GP6: variants seen among roughly 807,000 people sequenced by gnomAD.
GP6 encodes the protein platelet glycoprotein VI.
A neutral mutation model predicts 37.3 loss-of-function variants in GP6; 45 were observed. The observed-to-expected ratio is 1.21, with a 90% CI of 0.95 to 1.55. The LOEUF (loss-of-function observed/expected upper bound fraction) is 1.55. Among genes scored for constraint, GP6 ranks in the 40% most tolerant of loss-of-function variants. GP6 has a pLI of 0.00. For missense variants in GP6, 813 were observed against 760.2 expected, an observed-to-expected ratio of 1.07 and a Z score of -0.82; for synonymous variants, 340 against 316.4, an observed-to-expected ratio of 1.07 and a Z score of -0.79.
At chr19:55,032,936 TGGGCTCGTTCGTGTTAGAC>T (rs2074635987) in intron 1 of GP6, 3 of 186,740 alleles carry the variant, frequency 1.6e-5, no homozygotes, top group African/African-American at 1.0e-4. Context: ...TTAGACACGG[TGGGCTCGTTCGTGTTAGAC>T]ACGGTGGACT....
intron 1 of GP6, chr19:55,033,011 G>A (rs552534624): frequency 4.8e-6 from 1 of 207,858 alleles, no homozygotes; most frequent in African/African-American, 2.6e-5. Context: ...TGTTAGACGC[G>A]GTGGACTCGT....
In GP6 at chr19:55,014,750, G is replaced by GACAA. The variant is rs747748721; in HGVS notation, c.1194_1195insTTGT (p.Pro404SerfsTer61). 1 of 1,613,834 alleles carries GACAA rather than the reference G, an allele frequency of 6.2e-7. No homozygotes were observed. The highest frequency in any genetic ancestry group is 2.2e-5 in the East Asian group (1 of 44,870). On this transcript the variant is annotated frameshift_variant, in exon 8 of 8. Coordinates refer to ENST00000310373, the MANE Select transcript of GP6 (RefSeq NM_001083899.2). LOFTEE classifies it low-confidence loss of function (END_TRUNC). ...AGACAGAGAGGCAGACAGACAGACA[G>GACAA]ACACTGGCCGAACGGCTCCCTGATG...
chr19:55,027,827 C>T lies in GP6; in HGVS notation c.361G>A (p.Gly121Ser), dbSNP rs372032713. ...TCCCCTCCTGACGACACCGCCGGGCCGGGCTGGGCTGAGAGCGAGGGTTTG... is the reference window on the plus strand; with the variant it reads ...TCCCCTCCTGACGACACCGCCGGGCTGGGCTGGGCTGAGAGCGAGGGTTTG... Residue 121 changes from glycine (G) to serine (S), a missense_variant, in exon 4 of 8, where the codon GGC becomes AGC. Transcript: ENST00000310373. 8.7e-5 allele frequency: 141 copies of T among 1,614,026 alleles called. No individual in the cohort carries two copies. Among genetic ancestry groups the T allele is most frequent in the Non-Finnish European group, 1.1e-4 (130 of 1,180,020 alleles).
At chr19:55,021,948 GTCT>G (rs2074103776) in intron 5 of GP6, among the ~76,000 whole-genome samples, 1 of 151,924 alleles carries the variant, frequency 6.6e-6, no homozygotes, top group South Asian at 2.1e-4. Context: ...CTGCATAAAC[GTCT>G]TCTTTTGAGA....
At chr19:55,029,012 G>A (rs951958206) in intron 3 of GP6, among the ~76,000 whole-genome samples, 1 of 149,178 alleles carries the variant, frequency 6.7e-6, no homozygotes, top group Non-Finnish European at 1.5e-5. Flanking sequence ...GACAGAGAGA[G>A]AAAGCAAAAG....
At position 55,032,315 on chromosome 19, in the gene GP6, C is replaced by T. The variant is rs757364878; in HGVS notation, c.149G>A (p.Gly50Glu). Reference sequence around the variant, plus strand: ...GCGGTACAGGTCCACGCCCGGAGGTCCCTGGCACCGGAGGGTCACTGGCTT... The same window carrying T: ...GCGGTACAGGTCCACGCCCGGAGGTTCCTGGCACCGGAGGGTCACTGGCTT... Residue 50 changes from glycine to glutamate, a missense_variant, in exon 3 of 8, where the codon GGA becomes GAA. Coordinates refer to ENST00000310373, the MANE Select transcript of GP6 (RefSeq NM_001083899.2). 1.2e-6 allele frequency: 2 copies of T among 1,614,032 alleles called. No homozygotes were observed.
rs2073786143 is a variant in GP6, at chr19:55,014,707, C to G, written c.1238G>C (p.Trp413Ser). 6.8e-6 allele frequency: 11 copies of G among 1,613,912 alleles called. No individual in the cohort carries two copies. The East Asian group carries it at 2.5e-4, about 36-fold the overall frequency. Residue 413 changes from tryptophan (W) to serine (S), a missense_variant, in exon 8 of 8, where the codon TGG becomes TCG. Transcript: ENST00000310373. ...GGGTCTCCACAGATTCCTTCCATCC[C>G]AAATGGAGGGTGCCCTCAGACAGAG...
chr19:55,034,737 A>ACACACC (rs1021376162), intron 1 of GP6, among the ~76,000 whole-genome samples: 188 of 151,792 alleles, frequency 1.2e-3, no homozygotes, highest in African/African-American at 4.5e-3. Context: ...ACACACACAC[A>ACACACC]CACACACAAA....
chr19:55,034,046 T>C (rs967332361), intron 1 of GP6, among the ~76,000 whole-genome samples: 3 of 152,042 alleles, frequency 2.0e-5, no homozygotes, highest in Non-Finnish European at 4.4e-5. Flanking sequence ...TATATACACA[T>C]ATAGTGCATA....
At chr19:55,025,408 T>A in intron 4 of GP6, 137 bp from the exon 5 acceptor site, 1 of 716,490 alleles carries the variant, frequency 1.4e-6, no homozygotes. Flanking sequence ...CTGTTGTGGA[T>A]GTTAATAAGC....
intron 3 of GP6, among the ~76,000 whole-genome samples, chr19:55,030,475 A>G (rs912591792): frequency 1.3e-5 from 2 of 151,932 alleles, no homozygotes; most frequent in Non-Finnish European, 2.9e-5. Flanking sequence ...AGTAGCTGGG[A>G]TTACAGGAGT....
At position 55,013,942 on chromosome 19, in the gene GP6, C is replaced by T. The variant is rs541590036; in HGVS notation, c.*140G>A. ...AGAACTTTACCTTGAGAAGACCTAACATTTCCTTCAGAAAGTAAATATGAG... is the reference window on the plus strand; with the variant it reads ...AGAACTTTACCTTGAGAAGACCTAATATTTCCTTCAGAAAGTAAATATGAG... On this transcript the variant is annotated 3_prime_UTR_variant, in exon 8 of 8. Transcript: ENST00000310373. 16 of 402,036 alleles carry T rather than the reference C, an allele frequency of 4.0e-5. No homozygotes were observed. Among genetic ancestry groups the T allele is most frequent in the African/African-American group, 1.9e-4 (9 of 48,312 alleles). The allele number at this position is 402,036 out of a possible 1,614,324, so 24.9% of individuals were successfully genotyped here. A position where few individuals can be genotyped will look rare whatever the true frequency, so the allele number is the denominator to read the frequency against.
chr19:55,020,312 A>G (rs751563686), intron 5 of GP6, among the ~76,000 whole-genome samples: 3 of 150,988 alleles, frequency 2.0e-5, no homozygotes, highest in Non-Finnish European at 4.4e-5. Context: ...GCACCCATCA[A>G]CCCATCACCT....
intron 1 of GP6, 185 bp from the exon 2 acceptor site, chr19:55,032,723 G>A (rs2074614140): frequency 1.4e-6 from 1 of 702,980 alleles, no homozygotes; most frequent in Non-Finnish European, 2.6e-6. Flanking sequence ...TAGTTTATGA[G>A]GTCATTTACA....
chr19:55,024,326 ATATG>A (rs1568613204), intron 5 of GP6, among the ~76,000 whole-genome samples: 3 of 18,734 alleles, frequency 1.6e-4, no homozygotes, highest in Non-Finnish European at 5.2e-4. Flanking sequence ...GCACACACAC[ATATG>A]CACGCACACA....
At chr19:55,015,528 G>A (rs944698817) in intron 7 of GP6, 155 bp downstream of exon 7, 2 of 675,882 alleles carry the variant, frequency 3.0e-6, no homozygotes, top group Admixed American at 4.8e-5. Flanking sequence ...TGATCTTAAT[G>A]CCCAATTCTG....
In GP6 at chr19:55,027,819, C is replaced by T. The variant is rs965171091; in HGVS notation, c.369G>A (p.Ala123=). ...GGGTTACGTCCCCTCCTGACGACAC[C>T]GCCGGGCCGGGCTGGGCTGAGAGCG... Residue 123 remains alanine, a synonymous_variant, in exon 4 of 8, where the codon GCG becomes GCA. Transcript: ENST00000310373. 2.5e-6 allele frequency: 4 copies of T among 1,614,038 alleles called. No individual in the cohort carries two copies. The highest frequency in any genetic ancestry group is 1.7e-5 in the Admixed American group (1 of 59,988).
At chr19:55,028,341 A>G (rs1243555603) in intron 3 of GP6, among the ~76,000 whole-genome samples, 1 of 152,216 alleles carries the variant, frequency 6.6e-6, no homozygotes, top group African/African-American at 2.4e-5. Context: ...TATGATGTAT[A>G]TCAGTTCAGT....
intron 1 of GP6, among the ~76,000 whole-genome samples, chr19:55,037,812 G>T (rs2074893994): frequency 1.3e-5 from 2 of 151,392 alleles, no homozygotes; most frequent in South Asian, 4.2e-4. Context: ...TTGTAGAGAT[G>T]GGGTTTCACC....
Sources: allele counts gnomAD v4.1 joint callset (sites outside exome capture counted in the v4.1 genomes callset), GRCh38; gene constraint gnomAD v4.1.1; transcripts MANE v1.5; gene names NCBI Gene and HGNC (gene_info 2026-07-23, HGNC 2026-07-21).